The following EPB41L2 variants were observed in gnomAD, a reference collection of about 807,000 sequenced individuals.
EPB41L2 encodes erythrocyte membrane protein band 4.1 like 2.
A neutral mutation model predicts 113.0 loss-of-function variants in EPB41L2; 43 were observed. The observed-to-expected ratio is 0.38, with a 90% CI of 0.30 to 0.49. EPB41L2 has a LOEUF of 0.49. Ranked by LOEUF, EPB41L2 falls within the 20% of genes least tolerant of loss-of-function variation. The probability of loss-of-function intolerance (pLI) is 0.95; values close to 1 mark genes in which losing one functional copy is unlikely to be tolerated. For missense variants in EPB41L2, 1,147 were observed against 1,223.4 expected, an observed-to-expected ratio of 0.94 and a Z score of 0.93; for synonymous variants, 442 against 436.7, an observed-to-expected ratio of 1.01 and a Z score of -0.15.
intron 1 of EPB41L2, among the ~76,000 whole-genome samples, chr6:131,048,037 G>A (rs1795798003): frequency 2.0e-5 from 3 of 149,770 alleles, no homozygotes; most frequent in Non-Finnish European, 4.4e-5. Context: ...TACTCAGGAG[G>A]CTGAGGCAGA....
chr6:130,867,964 ACACACACACTCTCT>A (rs757836135), intron 15 of EPB41L2: 2,282 of 162,028 alleles, frequency 0.014, 13 homozygotes, highest in Non-Finnish European at 0.019. Flanking sequence ...ACACACACAC[ACACACACACTCTCT>A]CTCTCTCTCT....
At chr6:131,051,408 G>T (rs1380561587) in intron 1 of EPB41L2, among the ~76,000 whole-genome samples, 2 of 139,194 alleles carry the variant, frequency 1.4e-5, no homozygotes, top group Non-Finnish European at 3.1e-5. Context: ...CTAAAATGAA[G>T]TGAGAAAAGT....
intron 1 of EPB41L2, among the ~76,000 whole-genome samples, chr6:131,058,514 A>C (rs1360638933): frequency 1.3e-5 from 2 of 152,176 alleles, no homozygotes; most frequent in African/African-American, 4.8e-5. Context: ...AACATTACCC[A>C]TTTCTATGTC....
At chr6:131,062,278 G>A (rs1012847886) in intron 1 of EPB41L2, 8 of 151,932 alleles carry the variant, frequency 5.3e-5, no homozygotes, top group Non-Finnish European at 7.4e-5. Flanking sequence ...CAGACCTCAG[G>A]CTGCTGGGGG....
intron 1 of EPB41L2, among the ~76,000 whole-genome samples, chr6:131,044,728 T>C (rs1248779747): frequency 6.6e-6 from 1 of 152,160 alleles, no homozygotes; most frequent in East Asian, 1.9e-4. Context: ...TCTCCAACTG[T>C]TAAAAAGTTC....
chr6:130,893,251 T>C (rs1051747951), intron 10 of EPB41L2, among the ~76,000 whole-genome samples: 8 of 152,156 alleles, frequency 5.3e-5, no homozygotes, highest in African/African-American at 1.9e-4. Context: ...ACAAATAATT[T>C]ACAAAGCAGG....
At chr6:130,994,099 T>C (rs1241782259) in intron 1 of EPB41L2, among the ~76,000 whole-genome samples, 1 of 136,222 alleles carries the variant, frequency 7.3e-6, no homozygotes, top group Non-Finnish European at 1.5e-5. Flanking sequence ...ATCTAGTAGA[T>C]GGCAAACCAA....
rs117178166 is a variant in EPB41L2, at chr6:131,007,566, T to C, written c.-14-51067A>G. Reference sequence around the variant, plus strand: ...ACAGTTAGGAGGACTCAGAAGAAGATAGGAAAATGTGAGAAAGTCTGGAAC... The same window carrying C: ...ACAGTTAGGAGGACTCAGAAGAAGACAGGAAAATGTGAGAAAGTCTGGAAC... On this transcript the variant is annotated intron_variant, in intron 1 of 19. Coordinates refer to ENST00000337057, the MANE Select transcript of EPB41L2 (RefSeq NM_001431.4). Among the ~76,000 whole-genome samples, 3,106 of 152,102 alleles carry C rather than the reference T, an allele frequency of 0.02. 204 individuals carry two copies. In the East Asian group the frequency reaches 0.27, roughly 13 times the overall value.
At chr6:130,892,178 G>A (rs1793105432) in intron 10 of EPB41L2, among the ~76,000 whole-genome samples, 1 of 152,058 alleles carries the variant, frequency 6.6e-6, no homozygotes, top group Non-Finnish European at 1.5e-5. Context: ...TACAAGAAGA[G>A]GACAGCACAG....
chr6:131,004,400 A>G (rs953999260), intron 1 of EPB41L2, among the ~76,000 whole-genome samples: 3 of 152,212 alleles, frequency 2.0e-5, no homozygotes, highest in African/African-American at 7.2e-5. Flanking sequence ...GTAAACACCA[A>G]TATATGTTAG....
At chr6:130,976,413 A>G (rs1363117230) in intron 1 of EPB41L2, among the ~76,000 whole-genome samples, 1 of 152,202 alleles carries the variant, frequency 6.6e-6, no homozygotes, top group East Asian at 1.9e-4. Flanking sequence ...CCTACCAGAC[A>G]TCTTAGCAAT....
intron 1 of EPB41L2, among the ~76,000 whole-genome samples, chr6:131,025,933 C>A (rs761699076): frequency 2.0e-4 from 30 of 152,016 alleles, no homozygotes; most frequent in Non-Finnish European, 3.8e-4. Context: ...AAAGTCATCA[C>A]AAAGTGGATC....
chr6:130,964,560 C>T (rs751226606), intron 1 of EPB41L2, among the ~76,000 whole-genome samples: 19 of 150,380 alleles, frequency 1.3e-4, no homozygotes, highest in Non-Finnish European at 2.2e-4. Flanking sequence ...TGCTATAATA[C>T]ATAAAGTGCC....
intron 1 of EPB41L2, among the ~76,000 whole-genome samples, chr6:130,998,283 C>T (rs1783603080): frequency 6.6e-6 from 1 of 152,154 alleles, no homozygotes; most frequent in African/African-American, 2.4e-5. Context: ...ATAATTTTCA[C>T]ATGGATTAAG....
At position 130,987,642 on chromosome 6, in the gene EPB41L2, G is replaced by A. The variant is rs550368033; in HGVS notation, c.-14-31143C>T. ...CGGGAGGCAGAGGCTGCAGTAAGCC[G>A]AGATCGTGCCACAGAACTCCAGCCT... On this transcript the variant is annotated intron_variant, in intron 1 of 19. Transcript: ENST00000337057. Among the ~76,000 whole-genome samples, 29 of 152,084 alleles carry A rather than the reference G, an allele frequency of 1.9e-4. No individual in the cohort carries two copies. In the East Asian group the frequency reaches 3.5e-3, roughly 18 times the overall value.
At chr6:130,866,939 G>A (rs1016565250) in intron 16 of EPB41L2, among the ~76,000 whole-genome samples, 3 of 151,934 alleles carry the variant, frequency 2.0e-5, no homozygotes, top group African/African-American at 7.3e-5. Flanking sequence ...AATTCCACAC[G>A]AAGGAGAAGC....
In EPB41L2 at chr6:130,856,221, A is replaced by C. The variant is rs973101058; in HGVS notation, c.*5+1910T>G. 2.0e-5 allele frequency among the ~76,000 whole-genome samples: 3 copies of C among 152,244 alleles called. No individual in the cohort carries two copies. The East Asian group carries it at 5.8e-4, about 29-fold the overall frequency. ...GGGGTATGGAAAAAACATAAGTCAT[A>C]AAGGAAAAGCTTGATAAATTCAACA... On this transcript the variant is annotated intron_variant, in intron 19 of 19. Transcript: ENST00000337057.
intron 4 of EPB41L2, among the ~76,000 whole-genome samples, chr6:130,924,384 C>T (rs1029557404): frequency 4.7e-5 from 7 of 148,198 alleles, no homozygotes; most frequent in African/African-American, 7.5e-5. Flanking sequence ...TCATGGAGTT[C>T]TTTTTTTTTT....
chr6:130,977,779 A>G (rs998046104), intron 1 of EPB41L2, among the ~76,000 whole-genome samples: 1 of 152,248 alleles, frequency 6.6e-6, no homozygotes, highest in African/African-American at 2.4e-5. Flanking sequence ...ATAACATAAA[A>G]GTAGCAGCTG....
Sources: allele counts gnomAD v4.1 joint callset (sites outside exome capture counted in the v4.1 genomes callset), GRCh38; gene constraint gnomAD v4.1.1; transcripts MANE v1.5; gene names NCBI Gene and HGNC (gene_info 2026-07-23, HGNC 2026-07-21).